Variants in AKR1C3 observed in about 807,000 individuals in gnomAD.
AKR1C3 encodes aldo-keto reductase family 1 member C3.
Under a neutral mutation model 43.6 loss-of-function variants are expected in AKR1C3, and 48 were observed. That is an observed-to-expected ratio of 1.10 (90% CI 0.87 to 1.40). The LOEUF is 1.40. Ranked by LOEUF, AKR1C3 falls within the 40% of genes most tolerant of loss-of-function variation. AKR1C3 has a pLI of 0.00. For synonymous variants in AKR1C3, 162 were observed against 139.6 expected, an observed-to-expected ratio of 1.16 and a Z score of -1.13; for missense variants, 482 against 391.2, an observed-to-expected ratio of 1.23 and a Z score of -1.96.
At chr10:5,057,377 T>C (rs190545598) in intron 1 of AKR1C3, among the ~76,000 whole-genome samples, 1 of 152,344 alleles carries the variant, frequency 6.6e-6, no homozygotes, top group Admixed American at 6.5e-5. Context: ...GTCCCTATTA[T>C]AGAACACTGA....
intron 1 of AKR1C3, among the ~76,000 whole-genome samples, chr10:5,062,790 A>C (rs1464026360): frequency 1.3e-5 from 2 of 151,524 alleles, no homozygotes; most frequent in African/African-American, 4.9e-5. Context: ...TAAATACTAG[A>C]TCTGCTACAG....
intron 1 of AKR1C3, among the ~76,000 whole-genome samples, chr10:5,050,798 G>A (rs1838137529): frequency 6.6e-6 from 1 of 152,022 alleles, no homozygotes; most frequent in African/African-American, 2.4e-5. Context: ...ATTGGACCCT[G>A]TATCATACAC....
intron 7 of AKR1C3, among the ~76,000 whole-genome samples, chr10:5,103,835 T>C (rs1247070935): frequency 2.1e-4 from 32 of 152,168 alleles, no homozygotes; most frequent in Non-Finnish European, 4.4e-5. Flanking sequence ...TAGAAATTCA[T>C]ATAACCAAGC....
upstream of AKR1C3, chr10:5,094,051 A>T (rs1252090046): frequency 6.1e-6 from 1 of 165,214 alleles, no homozygotes; most frequent in Non-Finnish European, 1.3e-5. Context: ...AGTATAAAGA[A>T]GGGGCATTAT....
intron 1 of AKR1C3, among the ~76,000 whole-genome samples, chr10:5,073,578 G>A (rs1334674006): frequency 6.6e-6 from 1 of 152,144 alleles, no homozygotes; most frequent in Non-Finnish European, 1.5e-5. Context: ...GACTCAGCGA[G>A]CAGCTCCAGC....
In AKR1C3 at chr10:5,096,534, C is replaced by T; in HGVS notation, c.209C>T (p.Ala70Val). The T allele has an allele frequency of 1.2e-6, 2 of 1,613,752 alleles. No individual in the cohort carries two copies. Among genetic ancestry groups the T allele is most frequent in the Non-Finnish European group, 1.7e-6 (2 of 1,179,758 alleles). The change falls in exon 2 of 9, where the codon GCA becomes GTA. Residue 70 changes from alanine (A) to valine (V), a missense_variant. Transcript: ENST00000380554. The part of the protein sequence containing the change: ...QVGLAIRSKI[A>V]DGSVKREDIF... ...GGACTGGCCATCCGAAGCAAGATTG[C>T]AGATGGCAGTGTGAAGAGAGAAGAC...
intron 1 of AKR1C3, among the ~76,000 whole-genome samples, chr10:5,082,563 T>C (rs10904411): frequency 0.87 from 132,379 of 152,036 alleles, 57,880 homozygotes; most frequent in African/African-American, 0.96. Flanking sequence ...TGCTTTTAAG[T>C]ATGTTTATAT....
chr10:5,059,761 T>C (rs1554780012), intron 1 of AKR1C3, among the ~76,000 whole-genome samples: 2 of 152,088 alleles, frequency 1.3e-5, no homozygotes, highest in African/African-American at 4.8e-5. Flanking sequence ...GTCTCGCTGC[T>C]CAGTGATAGC....
chr10:5,106,488 C>T (rs782248884), intron 8 of AKR1C3, among the ~76,000 whole-genome samples: 1 of 152,036 alleles, frequency 6.6e-6, no homozygotes, highest in Non-Finnish European at 1.5e-5. Context: ...CAGTGGCTCA[C>T]GCCTATAATC....
upstream of AKR1C3, among the ~76,000 whole-genome samples, chr10:5,093,077 C>G (rs945165498): frequency 6.6e-6 from 1 of 151,998 alleles, no homozygotes; most frequent in African/African-American, 2.4e-5. Flanking sequence ...CCCCAAATAC[C>G]TACTGGCTTT....
At position 5,053,105 on chromosome 10, in the gene AKR1C3, C is replaced by A. The variant is rs556472147; in HGVS notation, c.84+4210C>A. Among the ~76,000 whole-genome samples, 157 of 152,378 alleles carry A rather than the reference C, an allele frequency of 1.0e-3. 1 individual carries two copies. Among genetic ancestry groups the A allele is most frequent in the African/African-American group, 3.4e-3 (143 of 41,586 alleles). ...TCACCCAGTGGATCCCATGCTGGGACCGCAGGTGGAGCTGCCTGCCAGTCC... is the reference window on the plus strand; with the variant it reads ...TCACCCAGTGGATCCCATGCTGGGAACGCAGGTGGAGCTGCCTGCCAGTCC... On this transcript the variant is annotated intron_variant, in intron 1 of 8. Coordinates refer to the AKR1C3 transcript ENST00000439082.
chr10:5,098,616 G>C (rs1554785510), intron 3 of AKR1C3, among the ~76,000 whole-genome samples, 186 bp from the exon 4 acceptor site: 5 of 152,220 alleles, frequency 3.3e-5, no homozygotes, highest in Non-Finnish European at 7.3e-5. Context: ...TAAGAGATTA[G>C]AGGAAGCCTG....
intron 1 of AKR1C3, among the ~76,000 whole-genome samples, chr10:5,061,583 T>G (rs756271043): frequency 2.6e-5 from 4 of 152,160 alleles, no homozygotes; most frequent in Non-Finnish European, 5.9e-5. Context: ...CATTTTGGGA[T>G]AATTATATGT....
chr10:5,049,523 G>C (rs1838108977), intron 1 of AKR1C3, among the ~76,000 whole-genome samples: 1 of 152,126 alleles, frequency 6.6e-6, no homozygotes, highest in African/African-American at 2.4e-5. Flanking sequence ...TTAAATTATT[G>C]GCCCTTGTTC....
Position 5,094,457 on chromosome 10 carries a change from C to G in AKR1C3, c.13C>G (p.His5Asp), listed in dbSNP as rs782648769. The change falls in exon 1 of 9, where the codon CAC becomes GAC. Residue 5 changes from histidine (H) to aspartate (D), a missense_variant. Coordinates refer to ENST00000380554, the MANE Select transcript of AKR1C3 (RefSeq NM_003739.6). ...CAAGTGACAGGGAATGGATTCCAAA[C>G]ACCAGTGTGTAAAGCTAAATGATGG... MDSK[H>D]QCVKLNDGHF... 2.5e-5 allele frequency: 41 copies of G among 1,611,910 alleles called. No individual in the cohort carries two copies. The African/African-American group carries it at 4.7e-4, about 18-fold the overall frequency.
rs34760938 is a variant in AKR1C3 at position 5,099,274 on chromosome 10, C to T, written c.448-53C>T. On this transcript the variant is annotated intron_variant, in intron 4 of 8. Transcript: ENST00000380554. Reference sequence around the variant, plus strand: ...TCTCACAGTTCTGTCTTGCATTTACCGTGATTTGCAGCCAACTGCACAAAT... The same window carrying T: ...TCTCACAGTTCTGTCTTGCATTTACTGTGATTTGCAGCCAACTGCACAAAT... 7,798 of 1,611,594 alleles carry T rather than the reference C, an allele frequency of 4.8e-3. 23 individuals are homozygous for T. The highest frequency in any genetic ancestry group is 6.0e-3 in the Non-Finnish European group (7,022 of 1,178,850).
chr10:5,050,949 A>C (rs1838140650), intron 1 of AKR1C3, among the ~76,000 whole-genome samples: 1 of 152,250 alleles, frequency 6.6e-6, no homozygotes, highest in South Asian at 2.1e-4. Flanking sequence ...ATGAGCGTAT[A>C]ACTTGCCTCT....
chr10:5,098,791 T>C lies in AKR1C3; in HGVS notation c.370-11T>C. On this transcript the variant is annotated splice_polypyrimidine_tract_variant and intron_variant, in intron 3 of 8. Transcript: ENST00000380554. ...TTTGTGACATCATTAAAATGACTGC[T>C]TCTATTTCAGCCAGGTGAGGAACTT... 6.2e-7 allele frequency: 1 copy of C among 1,612,148 alleles called. No individual in the cohort carries two copies. Among genetic ancestry groups the C allele is most frequent in the Non-Finnish European group, 8.5e-7 (1 of 1,178,588 alleles).
chr10:5,065,627 G>T (rs539578261), intron 1 of AKR1C3, among the ~76,000 whole-genome samples: 1 of 152,312 alleles, frequency 6.6e-6, no homozygotes, highest in East Asian at 1.9e-4. Flanking sequence ...TGAGCATAGG[G>T]CCCCATTACA....
Sources: gnomAD v4.1 joint callset for allele counts (sites outside exome capture counted in the v4.1 genomes callset) on GRCh38, gnomAD v4.1.1 for gene constraint, MANE v1.5 for transcripts, NCBI Gene and HGNC (gene_info 2026-07-23, HGNC 2026-07-21) for gene names.